The following ST18 variants were observed in gnomAD, a reference collection of about 807,000 sequenced individuals.
ST18 encodes the protein ST18 C2H2C-type zinc finger transcription factor, also known as suppression of tumorigenicity 18 protein.
A neutral mutation model predicts 110.0 loss-of-function variants in ST18; 50 were observed. The ratio of observed to expected loss-of-function variants is 0.45; its 90% CI spans 0.36 to 0.58. ST18 has a LOEUF of 0.58. ST18 is among the 20% of genes least tolerant of loss of function. ST18 has a pLI of 0.00. For synonymous variants in ST18, 461 were observed against 452.4 expected (o/e 1.02, Z -0.24); for missense variants, 1,306 against 1,280.1 (o/e 1.02, Z -0.31).
intron 2 of ST18, among the ~76,000 whole-genome samples, chr8:52,286,249 G>C (rs965294855): frequency 6.6e-6 from 1 of 152,154 alleles, no homozygotes; most frequent in Admixed American, 6.6e-5. Context: ...AAGAGTGTGA[G>C]CTTTAAAAGG....
chr8:52,250,500 T>TAAAAAAAAAA (rs2094219254), intron 2 of ST18, among the ~76,000 whole-genome samples: 1 of 105,906 alleles, frequency 9.4e-6, no homozygotes, highest in Non-Finnish European at 1.9e-5. Context: ...ACCAAAGCTG[T>TAAAAAAAAAA]ATAAACAATG....
At position 52,329,671 on chromosome 8, in the gene ST18, C is replaced by T. The variant is rs912539043; in HGVS notation, c.-465+79657G>A. ...TCAGGAGGCTGAGGCAGAAGAATTG[C>T]TTGAACCCAGGAGGCAGAGGTTGCA... On this transcript the variant is annotated intron_variant, in intron 2 of 25. Transcript: ENST00000689386. 2.0e-5 allele frequency among the ~76,000 whole-genome samples: 3 copies of T among 152,078 alleles called. No individual in the cohort carries two copies. In the East Asian group the frequency reaches 5.8e-4, roughly 29 times the overall value.
intron 8 of ST18, among the ~76,000 whole-genome samples, chr8:52,198,090 C>T (rs760688025): frequency 3.9e-5 from 6 of 152,110 alleles, no homozygotes; most frequent in Non-Finnish European, 5.9e-5. Flanking sequence ...GGCGCGATCT[C>T]GGCTCACTGC....
chr8:52,132,496 A>G (rs1342307485), intron 21 of ST18, among the ~76,000 whole-genome samples: 1 of 152,242 alleles, frequency 6.6e-6, no homozygotes, highest in African/African-American at 2.4e-5. Flanking sequence ...TTTTAGGTCT[A>G]GAGCCAACCA....
At chr8:52,233,362 AT>A (rs1317970276) in intron 2 of ST18, among the ~76,000 whole-genome samples, 1 of 152,206 alleles carries the variant, frequency 6.6e-6, no homozygotes, top group African/African-American at 2.4e-5. Context: ...GGCCAAATTT[AT>A]TTCTCGGTAA....
chr8:52,213,277 G>A (rs2136052897), intron 7 of ST18, among the ~76,000 whole-genome samples: 1 of 152,200 alleles, frequency 6.6e-6, no homozygotes, highest in Admixed American at 6.5e-5. Context: ...TAAAAATGTT[G>A]GGATTCTGGA....
chr8:52,394,275 T>G (rs1379469568), intron 2 of ST18, among the ~76,000 whole-genome samples: 2 of 152,194 alleles, frequency 1.3e-5, no homozygotes, highest in Non-Finnish European at 2.9e-5. Context: ...GTGTTTGAGT[T>G]TTTGGTCTTG....
chr8:52,284,963 A>T (rs2095444449), intron 2 of ST18, among the ~76,000 whole-genome samples: 1 of 152,208 alleles, frequency 6.6e-6, no homozygotes, highest in Non-Finnish European at 1.5e-5. Flanking sequence ...AAGACAAAAG[A>T]CACAAGAAAG....
chr8:52,156,739 A>G (rs1029288340), intron 15 of ST18, among the ~76,000 whole-genome samples: 4 of 152,206 alleles, frequency 2.6e-5, no homozygotes, highest in Non-Finnish European at 4.4e-5. Context: ...AAATGTGTGC[A>G]CGTGCGTGTG....
intron 2 of ST18, among the ~76,000 whole-genome samples, chr8:52,308,745 C>A (rs1244772293): frequency 6.6e-6 from 1 of 152,192 alleles, no homozygotes; most frequent in Admixed American, 6.5e-5. Flanking sequence ...CAATGGGCAA[C>A]CCCCCATCCC....
At chr8:52,353,138 T>A (rs1165523673) in intron 2 of ST18, among the ~76,000 whole-genome samples, 1 of 152,170 alleles carries the variant, frequency 6.6e-6, no homozygotes, top group East Asian at 1.9e-4. Flanking sequence ...AATGACAGTA[T>A]CCAAAGATAG....
intron 16 of ST18, among the ~76,000 whole-genome samples, chr8:52,148,542 A>G (rs1586955199): frequency 6.6e-6 from 1 of 152,136 alleles, no homozygotes; most frequent in South Asian, 2.1e-4. Context: ...TTCTGAGCAC[A>G]TGCATGACTG....
chr8:52,306,620 A>G (rs2095817202), intron 2 of ST18, among the ~76,000 whole-genome samples: 1 of 152,216 alleles, frequency 6.6e-6, no homozygotes, highest in Non-Finnish European at 1.5e-5. Flanking sequence ...TAATCTGGTA[A>G]CAATTTGAAG....
At chr8:52,196,038 A>C (rs1441660867) in intron 8 of ST18, among the ~76,000 whole-genome samples, 1 of 152,212 alleles carries the variant, frequency 6.6e-6, no homozygotes, top group African/African-American at 2.4e-5. Flanking sequence ...TGAAATAGCA[A>C]TCACGTTACC....
chr8:52,148,210 T>C (rs536356887), intron 16 of ST18, among the ~76,000 whole-genome samples: 1 of 151,760 alleles, frequency 6.6e-6, no homozygotes, highest in Admixed American at 6.5e-5. Flanking sequence ...ATTATTTTAA[T>C]AAATGATTCT....
chr8:52,402,928 C>T (rs1590751110), intron 2 of ST18, among the ~76,000 whole-genome samples: 1 of 152,128 alleles, frequency 6.6e-6, no homozygotes, highest in Admixed American at 6.5e-5. Flanking sequence ...CTCTGCTGGG[C>T]TGGGATCCAG....
At chr8:52,210,456 G>A (rs912886544) in intron 8 of ST18, among the ~76,000 whole-genome samples, 3 of 151,872 alleles carry the variant, frequency 2.0e-5, no homozygotes, top group African/African-American at 7.3e-5. Flanking sequence ...CCAGGAGTTT[G>A]AGACCAGCCT....
intron 2 of ST18, among the ~76,000 whole-genome samples, chr8:52,244,118 C>A (rs181640264): frequency 3.0e-4 from 45 of 152,260 alleles, no homozygotes; most frequent in African/African-American, 9.6e-4. Flanking sequence ...TATGGAACTT[C>A]ACCAAACTTC....
chr8:52,275,385 C>A (rs2095211637), intron 2 of ST18, among the ~76,000 whole-genome samples: 1 of 152,050 alleles, frequency 6.6e-6, no homozygotes, highest in African/African-American at 2.4e-5. Context: ...AAGTTCAGCT[C>A]AAGTTTAAAT....
Sources: gnomAD v4.1 joint callset for allele counts (sites outside exome capture counted in the v4.1 genomes callset) on GRCh38, gnomAD v4.1.1 for gene constraint, MANE v1.5 for transcripts, NCBI Gene and HGNC (gene_info 2026-07-23, HGNC 2026-07-21) for gene names.